Variants in RAD50 observed in about 807,000 individuals in gnomAD.
RAD50 encodes RAD50 double strand break repair protein, also known as DNA repair protein RAD50.
RAD50 carries 132 observed loss-of-function variants against 168.8 expected under a neutral mutation model. The ratio of observed to expected loss-of-function variants is 0.78; its 90% confidence interval spans 0.68 to 0.90. The LOEUF is 0.90. Ranked by LOEUF, RAD50 falls within the 40% of genes least tolerant of loss-of-function variation. RAD50 has a pLI of 0.00. For missense variants in RAD50, 1,347 were observed against 1,534.4 expected (o/e 0.88, Z 2.04); for synonymous variants, 525 against 497.4 (o/e 1.06, Z -0.74).
intron 1 of RAD50, among the ~76,000 whole-genome samples, chr5:132,557,966 T>C (rs966933459): frequency 2.6e-5 from 4 of 151,294 alleles, no homozygotes; most frequent in South Asian, 2.1e-4. Context: ...ACTTCTCTTC[T>C]TAAAACTCAG....
intron 5 of RAD50, 35 bp downstream of exon 5, chr5:132,580,101 T>A (rs750603729): frequency 6.6e-7 from 1 of 1,507,796 alleles, no homozygotes; most frequent in Non-Finnish European, 9.2e-7. Flanking sequence ...ACAAAAATTG[T>A]ATATCTTTAT....
chr5:132,577,802 ATTTTT>A (rs923754085), intron 3 of RAD50, among the ~76,000 whole-genome samples: 2 of 84,386 alleles, frequency 2.4e-5, no homozygotes, highest in African/African-American at 1.2e-4. Context: ...CCCATTTCTG[ATTTTT>A]TTTTTTTTTT....
At chr5:132,611,734 C>T (rs1554099548) in intron 19 of RAD50, among the ~76,000 whole-genome samples, 2 of 137,666 alleles carry the variant, frequency 1.5e-5, no homozygotes, top group South Asian at 4.5e-4. Context: ...AAAAAAGTCA[C>T]AATTAGTCAA....
rs1561662177 is a variant in RAD50, at chr5:132,642,688, GAGA to G, written c.*327_*329del. On this transcript the variant is annotated 3_prime_UTR_variant, in exon 25 of 25. Coordinates refer to ENST00000378823, the MANE Select transcript of RAD50 (RefSeq NM_005732.4). ...GCATGCTTCTTCTCAAAGCACTGTTGAGAAGGAGATAATTACTGCCTTGAAAAT... is the reference window on the plus strand; with the variant it reads ...GCATGCTTCTTCTCAAAGCACTGTTGAGGAGATAATTACTGCCTTGAAAAT... The G allele has an allele frequency of 6.9e-6, 3 of 434,368 alleles. No individual in the cohort carries two copies. Among genetic ancestry groups the G allele is most frequent in the South Asian group, 2.6e-5 (1 of 39,096 alleles). The allele number at this position is 434,368 out of a possible 1,614,324, so 26.9% of individuals were successfully genotyped here.
At position 132,587,619 on chromosome 5, in the gene RAD50, A is replaced by G. The variant is rs1383920217; in HGVS notation, c.814A>G (p.Ile272Val). 6.2e-7 allele frequency: 1 copy of G among 1,613,686 alleles called. No homozygotes were observed. The highest frequency in any genetic ancestry group is 8.5e-7 in the Non-Finnish European group (1 of 1,179,864). Residue 272 changes from isoleucine (I) to valine (V), a missense_variant, in exon 6 of 25, where the codon ATT becomes GTT. By Grantham distance (29) the Ile-to-Val change is conservative. This residue lies in a region of RAD50 where 703 missense variants were observed against 767.7 expected (regional missense o/e 0.92). Transcript: ENST00000378823. ...TAAAATAATGAAACTTGACAATGAA[A>G]TTAAAGCCTTGGATAGCCGAAAGAA... is the stretch of plus-strand genomic sequence containing the variant. The part of the protein sequence containing the change: ...LSKIMKLDNE[I>V]KALDSRKKQM...
chr5:132,635,508 C>T lies in RAD50; in HGVS notation c.3390-1607C>T, dbSNP rs72797370. Among the ~76,000 whole-genome samples, 37 of 152,230 alleles carry T rather than the reference C, an allele frequency of 2.4e-4. 1 individual carries two copies. The highest frequency in any genetic ancestry group is 6.2e-4 in the South Asian group (3 of 4,820). ...GACACACTCTTTGGTGGGTTGAGAC[C>T]TCTCCCTGAACTAGATCTTTTTCCC... On this transcript the variant is annotated intron_variant, in intron 21 of 24. Coordinates refer to ENST00000378823, the MANE Select transcript of RAD50 (RefSeq NM_005732.4).
In RAD50 at chr5:132,568,545, T is replaced by C. The variant is rs1481068412; in HGVS notation, c.214-7232T>C. On this transcript the variant is annotated intron_variant, in intron 2 of 24. Transcript: ENST00000378823. Reference sequence around the variant, plus strand: ...AAACATAACTATGTTGTACATTACATTCAAATTGTTCAAAACTAAATATAA... The same window carrying C: ...AAACATAACTATGTTGTACATTACACTCAAATTGTTCAAAACTAAATATAA... Among the ~76,000 whole-genome samples the C allele has an allele frequency of 2.6e-5, 4 of 152,142 alleles. No individual in the cohort carries two copies. The East Asian group carries it at 7.7e-4, about 29-fold the overall frequency.
At position 132,579,261 on chromosome 5, in the gene RAD50, A is replaced by C. The variant is rs2522405; in HGVS notation, c.366-56A>C. 333 of 1,543,994 alleles carry C rather than the reference A, an allele frequency of 2.2e-4. No individual in the cohort carries two copies. In the African/African-American group the frequency reaches 3.6e-3, roughly 17 times the overall value. ...GTACAGTATGAATTGATTAAGCAATAGAATAGATACACTGAAGGTTATTTT... is the reference window on the plus strand; with the variant it reads ...GTACAGTATGAATTGATTAAGCAATCGAATAGATACACTGAAGGTTATTTT... On this transcript the variant is annotated intron_variant, in intron 3 of 24. Coordinates refer to ENST00000378823, the MANE Select transcript of RAD50 (RefSeq NM_005732.4).
In RAD50 at chr5:132,616,050, TGAG is replaced by T. The variant is rs786202198; in HGVS notation, c.3087_3089del (p.Glu1030del). 1.2e-6 allele frequency: 2 copies of T among 1,605,844 alleles called. No individual in the cohort carries two copies. Among genetic ancestry groups the T allele is most frequent in the South Asian group, 1.1e-5 (1 of 90,852 alleles). Reference sequence around the variant, plus strand: ...ATAACCTTACTTTAAGAAAAAGAAATGAGGAACTAAAAGAAGTTGAAGAAGAAA... The same window carrying T: ...ATAACCTTACTTTAAGAAAAAGAAATGAACTAAAAGAAGTTGAAGAAGAAA... On this transcript the variant is annotated inframe_deletion, in exon 20 of 25. Transcript: ENST00000378823.
In RAD50 at chr5:132,643,725, T is replaced by TGGGGGGGGGGGGGGGG. The variant is rs79229143; in HGVS notation, c.*1370_*1371insGGGGGGGGGGGGGGGG. 4.0e-5 allele frequency: 4 copies of TGGGGGGGGGGGGGGGG among 99,394 alleles called. No individual in the cohort carries two copies. Among genetic ancestry groups the TGGGGGGGGGGGGGGGG allele is most frequent in the Admixed American group, 1.3e-4 (1 of 7,492 alleles). 6.2% of individuals were successfully genotyped at this position (99,394 alleles called of 1,614,324 possible). ...GAGTATCCTGGGGGTGGTGGTGGGG[T>TGGGGGGGGGGGGGGGG]GGGGGGGGGTCCTAAATGTAATCAC... On this transcript the variant is annotated 3_prime_UTR_variant, in exon 25 of 25. Transcript: ENST00000378823.
rs563574861 is a variant in RAD50 at position 132,563,944 on chromosome 5, G to A, written c.213+4577G>A. Among the ~76,000 whole-genome samples the A allele has an allele frequency of 2.6e-5, 4 of 152,266 alleles. No individual in the cohort carries two copies. The South Asian group carries it at 8.3e-4, about 32-fold the overall frequency. Reference sequence around the variant, plus strand: ...CTCCTGTTCTGGCCGTGTAAGATGTGCCAGCCTCCTCTTCACCTTCTGCCA... The same window carrying A: ...CTCCTGTTCTGGCCGTGTAAGATGTACCAGCCTCCTCTTCACCTTCTGCCA... On this transcript the variant is annotated intron_variant, in intron 2 of 24. Transcript: ENST00000378823.
intron 2 of RAD50, among the ~76,000 whole-genome samples, chr5:132,569,666 A>G (rs13356552): frequency 5.7e-4 from 87 of 152,240 alleles, no homozygotes; most frequent in Non-Finnish European, 1.1e-3. Flanking sequence ...CCATTGAACG[A>G]TAGCAGAATA....
chr5:132,632,436 C>A (rs1261719424), intron 21 of RAD50, among the ~76,000 whole-genome samples: 1 of 152,152 alleles, frequency 6.6e-6, no homozygotes, highest in Admixed American at 6.6e-5. Context: ...CCAAATACAT[C>A]TTTTTTGTTC....
At chr5:132,575,286 G>A (rs185500795) in intron 2 of RAD50, among the ~76,000 whole-genome samples, 6 of 152,256 alleles carry the variant, frequency 3.9e-5, no homozygotes, top group Middle Eastern at 3.4e-3. Context: ...GAGCTTGTGC[G>A]GGGAAACTCC....
At chr5:132,614,403 C>T (rs894962013) in intron 19 of RAD50, among the ~76,000 whole-genome samples, 7 of 152,014 alleles carry the variant, frequency 4.6e-5, no homozygotes, top group African/African-American at 1.7e-4. Context: ...CATTTATAAC[C>T]ATGTCATTTT....
intron 21 of RAD50, among the ~76,000 whole-genome samples, chr5:132,627,508 G>A (rs1221631473): frequency 1.3e-5 from 2 of 152,146 alleles, no homozygotes; most frequent in African/African-American, 2.4e-5. Context: ...TGATGAGAAG[G>A]GAGCAAGATA....
intron 3 of RAD50, 67 bp from the exon 4 acceptor site, chr5:132,579,250 G>T: frequency 6.7e-7 from 1 of 1,489,044 alleles, no homozygotes; most frequent in South Asian, 1.2e-5. Context: ...AGTATGAATT[G>T]ATTAAGCAAT....
chr5:132,608,463 G>T, intron 16 of RAD50, 152 bp from the exon 17 acceptor site: 1 of 575,266 alleles, frequency 1.7e-6, no homozygotes. Context: ...TGAAAATGAT[G>T]GTACTGTCCT....
intron 5 of RAD50, among the ~76,000 whole-genome samples, chr5:132,587,148 A>G (rs898300550): frequency 6.6e-6 from 1 of 152,188 alleles, no homozygotes; most frequent in Non-Finnish European, 1.5e-5. Context: ...CTCTTCATGT[A>G]AATTTGCCTA....
Sources: allele counts gnomAD v4.1 joint callset (sites outside exome capture counted in the v4.1 genomes callset), GRCh38; gene constraint gnomAD v4.1.1; regional missense constraint gnomAD v4.1.1; transcripts MANE v1.5; gene names NCBI Gene and HGNC (gene_info 2026-07-23, HGNC 2026-07-21).